TBCK: variants seen among roughly 807,000 people sequenced by gnomAD.
TBCK encodes TBC domain-containing protein kinase-like protein.
A neutral mutation model predicts 113.4 loss-of-function variants in TBCK; 99 were observed. The observed-to-expected ratio is 0.87, with a 90% confidence interval of 0.74 to 1.03. TBCK has a LOEUF of 1.03. TBCK is among the 50% of genes least tolerant of loss of function. TBCK has a pLI of 0.00. For synonymous variants in TBCK, 369 were observed against 370.8 expected, an observed-to-expected ratio of 1.00 and a Z score of 0.05; for missense variants, 1,045 against 1,061.3, an observed-to-expected ratio of 0.98 and a Z score of 0.21.
intron 23 of TBCK, among the ~76,000 whole-genome samples, chr4:106,122,089 G>A (rs1744472562): frequency 6.6e-6 from 1 of 152,026 alleles, no homozygotes; most frequent in Admixed American, 6.6e-5. Flanking sequence ...TCCAGGAGCT[G>A]GTTTTTTGAA....
chr4:106,073,354 C>T (rs946054487), intron 25 of TBCK, among the ~76,000 whole-genome samples: 4 of 152,196 alleles, frequency 2.6e-5, no homozygotes, highest in Non-Finnish European at 5.9e-5. Flanking sequence ...TAACAGGTCC[C>T]TCAGCTGCAG....
intron 6 of TBCK, among the ~76,000 whole-genome samples, chr4:106,250,896 T>C (rs1761355113): frequency 6.6e-6 from 1 of 151,966 alleles, no homozygotes; most frequent in Non-Finnish European, 1.5e-5. Flanking sequence ...GGTTAGTCTG[T>C]TTCTCCATTA....
chr4:106,289,868 T>C (rs183705708), intron 3 of TBCK, among the ~76,000 whole-genome samples: 1 of 152,210 alleles, frequency 6.6e-6, no homozygotes, highest in Non-Finnish European at 1.5e-5. Flanking sequence ...TACAATGATC[T>C]CTCAATCAGT....
At chr4:106,164,687 A>G (rs900305727) in intron 23 of TBCK, among the ~76,000 whole-genome samples, 7 of 151,810 alleles carry the variant, frequency 4.6e-5, no homozygotes, top group Non-Finnish European at 1.0e-4. Flanking sequence ...GGAGATAAAA[A>G]TAATGTATCT....
intron 25 of TBCK, among the ~76,000 whole-genome samples, chr4:106,083,332 C>T (rs771509148): frequency 2.0e-5 from 3 of 150,050 alleles, no homozygotes; most frequent in Non-Finnish European, 3.0e-5. Context: ...GGCCAAAGTG[C>T]CTTTTCAGGT....
At chr4:106,088,272 C>T (rs1236477194) in intron 25 of TBCK, among the ~76,000 whole-genome samples, 1 of 152,100 alleles carries the variant, frequency 6.6e-6, no homozygotes, top group Non-Finnish European at 1.5e-5. Flanking sequence ...AACAAACCAT[C>T]CCATCAAAAA....
At chr4:106,165,469 A>G (rs1750255706) in intron 23 of TBCK, among the ~76,000 whole-genome samples, 1 of 151,606 alleles carries the variant, frequency 6.6e-6, no homozygotes. Flanking sequence ...CCTAATCCTT[A>G]CTCTCCACAC....
chr4:106,147,255 T>C (rs1025171882), intron 23 of TBCK, among the ~76,000 whole-genome samples: 2 of 152,226 alleles, frequency 1.3e-5, no homozygotes, highest in African/African-American at 4.8e-5. Context: ...GAAAGGCATC[T>C]AGAATGGTGG....
At chr4:106,307,012 C>G (rs867641321) in intron 2 of TBCK, among the ~76,000 whole-genome samples, 4 of 152,136 alleles carry the variant, frequency 2.6e-5, no homozygotes, top group Admixed American at 6.5e-5. Flanking sequence ...TTTTACCACT[C>G]TCTTTCCCAA....
At chr4:106,197,045 A>G (rs977963297) in intron 20 of TBCK, among the ~76,000 whole-genome samples, 1 of 152,248 alleles carries the variant, frequency 6.6e-6, no homozygotes, top group East Asian at 1.9e-4. Context: ...ATAAAACAAC[A>G]ATTTGTACAT....
At chr4:106,049,115 C>A (rs7683106) in intron 25 of TBCK, among the ~76,000 whole-genome samples, 22,947 of 152,090 alleles carry the variant, frequency 0.15, 1,888 homozygotes, top group Middle Eastern at 0.24. Context: ...AGTGAAACCA[C>A]GACTGCATCT....
rs1747187327 is a variant in TBCK at position 106,141,933 on chromosome 4, T to C, written c.2236-25555A>G. 2.1e-5 allele frequency among the ~76,000 whole-genome samples: 3 copies of C among 141,142 alleles called. 1 individual carries two copies. The highest frequency in any genetic ancestry group is 4.8e-5 in the Non-Finnish European group (3 of 62,198). 92.6% of individuals were successfully genotyped at this position (141,142 alleles called of 152,430 possible). A position where few individuals can be genotyped will look rare whatever the true frequency, so the allele number is the denominator to read the frequency against. On this transcript the variant is annotated intron_variant, in intron 23 of 25. Transcript: ENST00000394708. The stretch of plus-strand genomic sequence containing the variant: ...CATGGTATAATTATAATCTTAACTC[T>C]TGGTACTAGAAAAGTAATAAACTAA...
intron 25 of TBCK, among the ~76,000 whole-genome samples, chr4:106,084,044 T>C (rs1170332646): frequency 6.6e-6 from 1 of 152,072 alleles, no homozygotes; most frequent in East Asian, 1.9e-4. Flanking sequence ...CTCCAAATGA[T>C]CGCAGTGTCT....
At chr4:106,184,151 T>C (rs573707571) in intron 22 of TBCK, among the ~76,000 whole-genome samples, 1 of 152,198 alleles carries the variant, frequency 6.6e-6, no homozygotes, top group South Asian at 2.1e-4. Flanking sequence ...TAAAAATCTC[T>C]AACAGTGCCT....
At chr4:106,135,089 T>C (rs1257300024) in intron 23 of TBCK, among the ~76,000 whole-genome samples, 3 of 152,148 alleles carry the variant, frequency 2.0e-5, no homozygotes, top group East Asian at 1.9e-4. Flanking sequence ...TGACAAATAG[T>C]TGATGAACTA....
At chr4:106,058,052 T>G (rs1008342157) in intron 25 of TBCK, among the ~76,000 whole-genome samples, 17 of 151,800 alleles carry the variant, frequency 1.1e-4, no homozygotes, top group African/African-American at 3.4e-4. Context: ...TATTTTCACA[T>G]GCTTTGTTCA....
rs1370645621 is a variant in TBCK, at chr4:106,139,921, A to G, written c.2236-23543T>C. ...GCATGAACAAGTACAGGATTTCTAC[A>G]AGAAAATATAACAAATTATTTTATG... On this transcript the variant is annotated intron_variant, in intron 23 of 25. Coordinates refer to ENST00000394708, the MANE Select transcript of TBCK (RefSeq NM_001163435.3). Among the ~76,000 whole-genome samples, 2 of 141,204 alleles carry G rather than the reference A, an allele frequency of 1.4e-5. 1 individual carries two copies. Among genetic ancestry groups the G allele is most frequent in the Non-Finnish European group, 3.2e-5 (2 of 62,154 alleles). 92.6% of individuals were successfully genotyped at this position (141,204 alleles called of 152,430 possible).
intron 22 of TBCK, among the ~76,000 whole-genome samples, chr4:106,172,909 A>C (rs976490007): frequency 2.6e-5 from 4 of 152,150 alleles, no homozygotes; most frequent in African/African-American, 9.6e-5. Context: ...AAGGAAGTTA[A>C]GTGATTTGTT....
intron 24 of TBCK, among the ~76,000 whole-genome samples, chr4:106,099,679 C>T (rs1033709022): frequency 5.3e-5 from 8 of 152,124 alleles, no homozygotes; most frequent in African/African-American, 1.9e-4. Context: ...TTATCAGTAG[C>T]AACATCCAAT....
Sources: gnomAD v4.1 joint callset for allele counts (sites outside exome capture counted in the v4.1 genomes callset) on GRCh38, gnomAD v4.1.1 for gene constraint, MANE v1.5 for transcripts, NCBI Gene and HGNC (gene_info 2026-07-23, HGNC 2026-07-21) for gene names.